SORCS2: variants seen among roughly 807,000 people sequenced by gnomAD.
SORCS2 encodes VPS10 domain-containing receptor SorCS2.
Under a neutral mutation model 141.6 loss-of-function variants are expected in SORCS2, and 100 were observed. That is an observed-to-expected ratio of 0.71 (90% CI 0.60 to 0.83). The LOEUF (loss-of-function observed/expected upper bound fraction) is 0.83, where lower values mean the gene tolerates loss of function less well. SORCS2 is among the 40% of genes least tolerant of loss of function. The pLI is 0.00. For missense variants in SORCS2, 1,646 were observed against 1,560.2 expected (o/e 1.05, Z -0.93); for synonymous variants, 789 against 676.9 (o/e 1.17, Z -2.57).
intron 3 of SORCS2, among the ~76,000 whole-genome samples, chr4:7,591,860 G>C (rs927414309): frequency 6.6e-6 from 1 of 152,172 alleles, no homozygotes; most frequent in Non-Finnish European, 1.5e-5. Flanking sequence ...GCGCTCTGCG[G>C]TGTTTGTGCT....
intron 1 of SORCS2, among the ~76,000 whole-genome samples, chr4:7,224,786 C>T (rs962722696): frequency 2.6e-5 from 4 of 152,212 alleles, no homozygotes; most frequent in Non-Finnish European, 5.9e-5. Context: ...CCTCCCACTC[C>T]CTCCGATCCT....
intron 1 of SORCS2, among the ~76,000 whole-genome samples, chr4:7,339,223 A>G (rs1486840972): frequency 6.6e-6 from 1 of 152,192 alleles, no homozygotes; most frequent in East Asian, 1.9e-4. Flanking sequence ...ACTCTTGGGT[A>G]GGAACCAAGG....
intron 15 of SORCS2, 37 bp from the exon 16 acceptor site, chr4:7,714,203 T>A: frequency 6.3e-7 from 1 of 1,596,098 alleles, no homozygotes; most frequent in Non-Finnish European, 8.5e-7. Context: ...AGTTGCCCTG[T>A]CTCAGGCAGC....
intron 9 of SORCS2, among the ~76,000 whole-genome samples, chr4:7,680,086 G>T (rs1195995075): frequency 6.6e-6 from 1 of 152,210 alleles, no homozygotes; most frequent in Non-Finnish European, 1.5e-5. Context: ...TGCCTGCCTT[G>T]TCAGGGTTCT....
At chr4:7,598,765 GCA>G in intron 3 of SORCS2, among the ~76,000 whole-genome samples, 1 of 152,302 alleles carries the variant, frequency 6.6e-6, no homozygotes, top group South Asian at 2.1e-4. Flanking sequence ...CTCCAGAAGT[GCA>G]GTCCAAAGGC....
At chr4:7,384,068 C>T (rs992368817) in intron 1 of SORCS2, among the ~76,000 whole-genome samples, 2 of 152,214 alleles carry the variant, frequency 1.3e-5, no homozygotes, top group Non-Finnish European at 2.9e-5. Context: ...GGGTTTCGTG[C>T]CTGTGAAGGT....
intron 3 of SORCS2, among the ~76,000 whole-genome samples, chr4:7,634,346 C>T (rs1390883262): frequency 6.7e-6 from 1 of 150,122 alleles, no homozygotes; most frequent in East Asian, 2.0e-4. Context: ...GCACTCCAGC[C>T]TGAAAACAGA....
intron 1 of SORCS2, among the ~76,000 whole-genome samples, chr4:7,341,423 C>T (rs749713870): frequency 1.3e-5 from 2 of 152,232 alleles, no homozygotes; most frequent in Non-Finnish European, 2.9e-5. Context: ...TCCCTCTCCT[C>T]GTCTTGTGTT....
chr4:7,544,078 A>G (rs865896626), intron 3 of SORCS2, among the ~76,000 whole-genome samples: 2 of 146,348 alleles, frequency 1.4e-5, no homozygotes, highest in African/African-American at 5.1e-5. Context: ...CCACCCATCC[A>G]TCCATCCATC....
chr4:7,460,252 C>A (rs529994083), intron 2 of SORCS2: 1 of 154,698 alleles, frequency 6.5e-6, no homozygotes, highest in Admixed American at 6.5e-5. Flanking sequence ...TCACACTGAG[C>A]GATGCCATGC....
intron 3 of SORCS2, among the ~76,000 whole-genome samples, chr4:7,561,086 AG>A (rs1714505412): frequency 6.6e-6 from 1 of 152,114 alleles, no homozygotes. Flanking sequence ...TCCTCTCCAT[AG>A]CTTTAGGAGA....
At chr4:7,362,532 A>G (rs1179000779) in intron 1 of SORCS2, among the ~76,000 whole-genome samples, 1 of 152,192 alleles carries the variant, frequency 6.6e-6, no homozygotes, top group Non-Finnish European at 1.5e-5. Flanking sequence ...CCATTGGACC[A>G]GTGCCCAGGC....
At chr4:7,413,943 G>A (rs1183796743) in intron 2 of SORCS2, among the ~76,000 whole-genome samples, 1 of 152,088 alleles carries the variant, frequency 6.6e-6, no homozygotes, top group Non-Finnish European at 1.5e-5. Context: ...CGTGGCTTTG[G>A]GTGTGTGGAG....
Position 7,714,328 on chromosome 4 carries a change from C to T in SORCS2, c.2078C>T (p.Ala693Val), listed in dbSNP as rs752937206. Residue 693 changes from alanine to valine, a missense_variant, in exon 16 of 27, where the codon GCG (alanine) becomes GTG (valine). Ala to Val is a moderately conservative substitution (Grantham distance 64, BLOSUM62 0). Transcript: ENST00000507866. The part of the protein sequence containing the change: ...WCIKGRSFTS[A>V]LTSRVCECRD... ...ATCAAGGGGAGGAGCTTCACGTCGG[C>T]GCTCACGTCCCGCGTGTGCGAGTGC... 81 of 1,579,686 alleles carry T rather than the reference C, an allele frequency of 5.1e-5. No homozygotes were observed. Among genetic ancestry groups the T allele is most frequent in the Middle Eastern group, 5.0e-4 (3 of 6,040 alleles).
chr4:7,367,014 C>G (rs1219904138), intron 1 of SORCS2, among the ~76,000 whole-genome samples: 1 of 152,180 alleles, frequency 6.6e-6, no homozygotes, highest in Admixed American at 6.5e-5. Context: ...AGTGAGCTTC[C>G]CAAGCCGGCT....
chr4:7,415,689 T>C (rs1725620264), intron 2 of SORCS2, among the ~76,000 whole-genome samples: 1 of 152,240 alleles, frequency 6.6e-6, no homozygotes, highest in Non-Finnish European at 1.5e-5. Flanking sequence ...TCTAGAACGA[T>C]GGTCAGAAGT....
In SORCS2 at chr4:7,492,318, C is replaced by T. The variant is rs1180229689; in HGVS notation, c.549-39212C>T. Among the ~76,000 whole-genome samples the T allele has an allele frequency of 5.3e-5, 8 of 152,336 alleles. 1 individual carries two copies. The highest frequency in any genetic ancestry group is 1.2e-4 in the Non-Finnish European group (8 of 68,038). ...CTTTAAGAAGTTGAACCTATGAGGT[C>T]GCGCGGTATTTGTCTTTCTGTGCCT... On this transcript the variant is annotated intron_variant, in intron 2 of 26. Transcript: ENST00000507866.
intron 3 of SORCS2, among the ~76,000 whole-genome samples, chr4:7,543,943 T>TCCACCCATCCACCCATCCAC (rs1386337860): frequency 1.1e-5 from 1 of 91,204 alleles, no homozygotes; most frequent in African/African-American, 4.4e-5. Context: ...CATCCACCCA[T>TCCACCCATCCACCCATCCAC]CCATCCATCC....
intron 1 of SORCS2, among the ~76,000 whole-genome samples, chr4:7,263,892 G>A (rs115787857): frequency 0.01 from 1,556 of 152,286 alleles, 15 homozygotes; most frequent in Non-Finnish European, 0.017. Flanking sequence ...GGTGCGTCTC[G>A]TTCCCACCGT....
Sources: allele counts gnomAD v4.1 joint callset (sites outside exome capture counted in the v4.1 genomes callset), GRCh38; gene constraint gnomAD v4.1.1; transcripts MANE v1.5; gene names NCBI Gene and HGNC (gene_info 2026-07-23, HGNC 2026-07-21).